Variants in PRKN observed in about 807,000 individuals in gnomAD.
PRKN encodes the protein parkin RBR E3 ubiquitin protein ligase.
A neutral mutation model predicts 59.5 loss-of-function variants in PRKN; 56 were observed. That is an observed-to-expected ratio of 0.94 (90% CI 0.76 to 1.18). PRKN has a LOEUF of 1.18. Among genes scored for constraint, PRKN ranks in the 50% most tolerant of loss-of-function variants. PRKN has a pLI of 0.00. For synonymous variants in PRKN, 250 were observed against 222.1 expected, an observed-to-expected ratio of 1.13 and a Z score of -1.12; for missense variants, 657 against 596.4, an observed-to-expected ratio of 1.10 and a Z score of -1.06.
intron 1 of PRKN, among the ~76,000 whole-genome samples, chr6:162,681,479 G>C (rs1480782787): frequency 6.6e-6 from 1 of 152,080 alleles, no homozygotes; most frequent in Non-Finnish European, 1.5e-5. Context: ...AAAAGGACCA[G>C]AGACTACTCC....
intron 1 of PRKN, among the ~76,000 whole-genome samples, chr6:162,500,618 C>A (rs1372968023): frequency 6.6e-6 from 1 of 152,154 alleles, no homozygotes; most frequent in Non-Finnish European, 1.5e-5. Context: ...TGACCTAAGT[C>A]AGTAGAGTCT....
chr6:162,058,483 G>A (rs1380935541), intron 4 of PRKN, among the ~76,000 whole-genome samples: 1 of 152,174 alleles, frequency 6.6e-6, no homozygotes, highest in Non-Finnish European at 1.5e-5. Context: ...AATTCCCAGT[G>A]AACCACACTG....
At chr6:162,230,107 T>A (rs1469757443) in intron 3 of PRKN, among the ~76,000 whole-genome samples, 2 of 152,334 alleles carry the variant, frequency 1.3e-5, no homozygotes, top group Non-Finnish European at 2.9e-5. Context: ...AAAGGTAAAC[T>A]GAAGTGCAAA....
intron 7 of PRKN, among the ~76,000 whole-genome samples, chr6:161,676,186 C>T (rs902723427): frequency 6.6e-6 from 1 of 152,220 alleles, no homozygotes; most frequent in African/African-American, 2.4e-5. Context: ...AGATGCTGGC[C>T]TGGGTTCGTA....
In PRKN at chr6:162,094,086, G is replaced by A. The variant is rs1252179177; in HGVS notation, c.535-39912C>T. On this transcript the variant is annotated intron_variant, in intron 4 of 11. Transcript: ENST00000366898. ...ATTTGTCTGAGCGAGGCAGCACGTC[G>A]AGATGAGACGAAAACACAGACACTG... 1.3e-5 allele frequency among the ~76,000 whole-genome samples: 2 copies of A among 152,120 alleles called. 1 individual carries two copies. Among genetic ancestry groups the A allele is most frequent in the South Asian group, 4.1e-4 (2 of 4,826 alleles).
At chr6:162,656,755 C>T (rs1778658551) in intron 1 of PRKN, among the ~76,000 whole-genome samples, 1 of 152,164 alleles carries the variant, frequency 6.6e-6, no homozygotes, top group African/African-American at 2.4e-5. Context: ...TGATCTTGAA[C>T]ACAGACCTTT....
intron 6 of PRKN, among the ~76,000 whole-genome samples, chr6:161,874,280 T>A (rs867266102): frequency 0.021 from 356 of 16,620 alleles, 17 homozygotes; most frequent in Non-Finnish European, 0.025. Context: ...ATAATATATA[T>A]TATATATTAT....
At chr6:162,096,959 C>T (rs1455917467) in intron 4 of PRKN, among the ~76,000 whole-genome samples, 10 of 148,212 alleles carry the variant, frequency 6.7e-5, no homozygotes, top group Middle Eastern at 3.7e-3. Context: ...CTCTGCCTCC[C>T]GGGTTCAAGC....
At chr6:162,411,613 G>T (rs1562743969) in intron 2 of PRKN, among the ~76,000 whole-genome samples, 1 of 152,012 alleles carries the variant, frequency 6.6e-6, no homozygotes, top group Non-Finnish European at 1.5e-5. Context: ...AAGAAAAGTT[G>T]TATAAATTTG....
intron 6 of PRKN, among the ~76,000 whole-genome samples, chr6:161,830,802 G>A (rs1011856555): frequency 3.3e-5 from 5 of 152,018 alleles, no homozygotes; most frequent in Non-Finnish European, 7.4e-5. Flanking sequence ...TTTAACTGAA[G>A]AATAAATACA....
In PRKN at chr6:161,352,755, G is replaced by GTATATATATATATATATA. The variant is rs1554251151; in HGVS notation, c.1286-2545_1286-2544insTATATATATATATATATA. On this transcript the variant is annotated intron_variant, in intron 11 of 11. Transcript: ENST00000366898. This position sits in a 1 kb window ranked among gnomAD's most constrained non-coding sequence, Gnocchi z 5.8. ...TGTGTGTGTGTGTGTGTGTGTGTGTGTATATATATATATATATTTTATTTT... is the reference window on the plus strand; with the variant it reads ...TGTGTGTGTGTGTGTGTGTGTGTGTGTATATATATATATATATATATATATATATATATATTTTATTTT... 2.1e-3 allele frequency among the ~76,000 whole-genome samples: 278 copies of GTATATATATATATATATA among 134,330 alleles called. 1 individual carries two copies. The highest frequency in any genetic ancestry group is 7.3e-3 in the African/African-American group (260 of 35,744). 88.1% of individuals were successfully genotyped at this position (134,330 alleles called of 152,430 possible).
At chr6:162,231,134 T>C (rs575757162) in intron 3 of PRKN, among the ~76,000 whole-genome samples, 1 of 152,254 alleles carries the variant, frequency 6.6e-6, no homozygotes, top group East Asian at 1.9e-4. Flanking sequence ...TTTTCCTTTC[T>C]CCCTCTCCTT....
At chr6:162,057,696 G>A (rs1268465988) in intron 4 of PRKN, among the ~76,000 whole-genome samples, 1 of 152,184 alleles carries the variant, frequency 6.6e-6, no homozygotes, top group African/African-American at 2.4e-5. Context: ...AACTATAGTT[G>A]CTTTAGCCAT....
intron 7 of PRKN, among the ~76,000 whole-genome samples, chr6:161,710,115 AT>A (rs1438596672): frequency 2.2e-4 from 26 of 117,310 alleles, no homozygotes; most frequent in Non-Finnish European, 3.8e-4. Flanking sequence ...AATAATTCCA[AT>A]TAAAAAAAAA....
At chr6:162,549,321 A>G (rs990738848) in intron 1 of PRKN, among the ~76,000 whole-genome samples, 2 of 152,160 alleles carry the variant, frequency 1.3e-5, no homozygotes, top group East Asian at 3.9e-4. Flanking sequence ...GTAATTTGTT[A>G]CAGAAGCCCA....
intron 4 of PRKN, among the ~76,000 whole-genome samples, chr6:162,138,509 T>C (rs573654007): frequency 6.6e-6 from 1 of 152,106 alleles, no homozygotes; most frequent in African/African-American, 2.4e-5. Context: ...TAAATCACTA[T>C]GAATCGTGCA....
chr6:161,979,108 C>T (rs1342115497), intron 5 of PRKN, among the ~76,000 whole-genome samples: 1 of 152,042 alleles, frequency 6.6e-6, no homozygotes, highest in African/African-American at 2.4e-5. Flanking sequence ...TTCTGGGAAA[C>T]CTTAATTAGC....
At chr6:162,308,221 A>C (rs73024753) in intron 2 of PRKN, among the ~76,000 whole-genome samples, 2,646 of 152,312 alleles carry the variant, frequency 0.017, 37 homozygotes, top group Non-Finnish European at 0.027. Context: ...AAATGCAGCC[A>C]CTGTGGCATA....
At chr6:161,775,489 G>A (rs890258282) in intron 7 of PRKN, among the ~76,000 whole-genome samples, 8 of 152,176 alleles carry the variant, frequency 5.3e-5, no homozygotes, top group East Asian at 1.9e-4. Context: ...AGTGATTCAC[G>A]TAGCCCTCCC....
Sources: gnomAD v4.1 joint callset for allele counts (sites outside exome capture counted in the v4.1 genomes callset) on GRCh38, gnomAD v4.1.1 for gene constraint, Gnocchi (gnomAD v3.1) non-coding constraint, MANE v1.5 for transcripts, NCBI Gene and HGNC (gene_info 2026-07-23, HGNC 2026-07-21) for gene names.